The following GAB4 variants were observed in gnomAD, a reference collection of about 807,000 sequenced individuals.
The protein encoded by GAB4 is GRB2 associated binding protein family member 4.
A neutral mutation model predicts 51.3 loss-of-function variants in GAB4; 26 were observed. That is an observed-to-expected ratio of 0.51 (90% CI 0.37 to 0.70). The LOEUF (loss-of-function observed/expected upper bound fraction) is 0.70, where lower values mean the gene tolerates loss of function less well. Ranked by LOEUF, GAB4 falls within the 30% of genes least tolerant of loss-of-function variation. GAB4 has a pLI of 0.00. For missense variants in GAB4, 759 were observed against 734.6 expected, an observed-to-expected ratio of 1.03 and a Z score of -0.38; for synonymous variants, 329 against 291.2, an observed-to-expected ratio of 1.13 and a Z score of -1.32.
At chr22:16,990,745 G>A (rs2060906977) in intron 2 of GAB4, among the ~76,000 whole-genome samples, 5 of 152,140 alleles carry the variant, frequency 3.3e-5, no homozygotes, top group Non-Finnish European at 1.5e-5. Context: ...TCTCCAATGG[G>A]CTATAGCTCC....
chr22:16,970,244 G>T (rs1489716790), intron 3 of GAB4, 51 bp from the exon 4 acceptor site: 15 of 1,598,582 alleles, frequency 9.4e-6, no homozygotes, highest in Non-Finnish European at 1.3e-5. Flanking sequence ...GGCCAGGACT[G>T]CCCCAGGGAG....
intron 3 of GAB4, among the ~76,000 whole-genome samples, chr22:16,980,853 TG>T (rs1432560353): frequency 1.3e-5 from 2 of 152,190 alleles, no homozygotes; most frequent in Middle Eastern, 3.2e-3. Flanking sequence ...TCACGTCCTT[TG>T]CAGGGACATG....
intron 1 of GAB4, among the ~76,000 whole-genome samples, chr22:16,993,168 C>T (rs2060926681): frequency 6.6e-6 from 1 of 152,164 alleles, no homozygotes; most frequent in Non-Finnish European, 1.5e-5. Context: ...GATCCATGAG[C>T]AGACACCACA....
At chr22:16,997,699 T>A (rs116476558) in intron 1 of GAB4, among the ~76,000 whole-genome samples, 1 of 152,182 alleles carries the variant, frequency 6.6e-6, no homozygotes, top group South Asian at 2.1e-4. Context: ...GTGTTTTAAT[T>A]ATGAAGTCCT....
Position 16,962,764 on chromosome 22 carries a change from G to A in GAB4, c.1694C>T (p.Ser565Phe), listed in dbSNP as rs2060639543. The A allele has an allele frequency of 6.2e-7, 1 of 1,613,178 alleles. No individual in the cohort carries two copies. Among genetic ancestry groups the A allele is most frequent in the African/African-American group, 1.3e-5 (1 of 75,060 alleles). ...TMHEQMCLRQ[S>F]SEPPRGAKL ...CTTGGCGCCCCTGGGAGGCTCTGAG[G>A]ACTGCCGCAGGCACATCTGTTCATG... Residue 565 changes from serine to phenylalanine, a missense_variant, in exon 10 of 10, where the codon TCC becomes TTC. Around this residue, in one of 3 missense-constraint regions of GAB4, gnomAD observed 588 missense variants for 510.2 expected, o/e 1.15. Coordinates refer to ENST00000400588, the MANE Select transcript of GAB4 (RefSeq NM_001037814.1).
intron 1 of GAB4, among the ~76,000 whole-genome samples, chr22:17,000,107 T>C (rs2123721791): frequency 6.6e-6 from 1 of 152,168 alleles, no homozygotes; most frequent in South Asian, 2.1e-4. Flanking sequence ...CTTAGAAGAG[T>C]GTATATTCTG....
chr22:16,980,955 AAT>A (rs2060822367), intron 3 of GAB4, among the ~76,000 whole-genome samples: 1 of 152,112 alleles, frequency 6.6e-6, no homozygotes, highest in Non-Finnish European at 1.5e-5. Flanking sequence ...GGAGGTGAAC[AAT>A]GAGACCACAT....
Position 17,008,221 on chromosome 22 carries a change from G to A in GAB4, c.-107C>T. Reference sequence around the variant, plus strand: ...ATACCCTGGGACTGCGGGGTAGAAAGCGCAGTTCTAGGGGAGGTCGGGGTC... The same window carrying A: ...ATACCCTGGGACTGCGGGGTAGAAAACGCAGTTCTAGGGGAGGTCGGGGTC... On this transcript the variant is annotated 5_prime_UTR_variant, in exon 1 of 10. Transcript: ENST00000400588. The A allele has an allele frequency of 1.2e-6, 1 of 812,076 alleles. No homozygotes were observed. Among genetic ancestry groups the A allele is most frequent in the Non-Finnish European group, 2.0e-6 (1 of 511,394 alleles). The allele number at this position is 812,076 out of a possible 1,614,324, so 50.3% of individuals were successfully genotyped here.
At chr22:16,983,966 C>A (rs2060846452) in intron 3 of GAB4, among the ~76,000 whole-genome samples, 1 of 152,120 alleles carries the variant, frequency 6.6e-6, no homozygotes, top group South Asian at 2.1e-4. Flanking sequence ...TTATATCAAG[C>A]TAAAAAGCTT....
intron 1 of GAB4, among the ~76,000 whole-genome samples, chr22:17,003,009 AAAAG>A (rs2061010264): frequency 6.6e-6 from 1 of 152,196 alleles, no homozygotes; most frequent in Non-Finnish European, 1.5e-5. Flanking sequence ...AATGGAAACC[AAAAG>A]AAAGCAGGGT....
At chr22:16,968,222 T>G in intron 5 of GAB4, 76 bp downstream of exon 5, 1 of 1,000,726 alleles carries the variant, frequency 1.0e-6, no homozygotes, top group Non-Finnish European at 1.6e-6. Flanking sequence ...CTTTGGGGGA[T>G]GTGCTTTTAG....
chr22:16,967,968 A>G (rs1269894411), intron 5 of GAB4, among the ~76,000 whole-genome samples: 1 of 152,154 alleles, frequency 6.6e-6, no homozygotes, highest in East Asian at 1.9e-4. Context: ...CCAAAGGCTC[A>G]CAGGGAAGCA....
intron 3 of GAB4, among the ~76,000 whole-genome samples, chr22:16,976,240 C>T (rs1223157731): frequency 1.3e-5 from 2 of 152,178 alleles, no homozygotes; most frequent in African/African-American, 4.8e-5. Flanking sequence ...GGAGCATGTT[C>T]TAACCTAATG....
chr22:16,993,195 T>A (rs562446931), intron 1 of GAB4, among the ~76,000 whole-genome samples: 1 of 152,312 alleles, frequency 6.6e-6, no homozygotes, highest in Non-Finnish European at 1.5e-5. Context: ...GATAAAAGAC[T>A]ACCCATGGTA....
rs1157670165 is a variant in GAB4 at position 16,962,652 on chromosome 22, C to G, written c.*81G>C. On this transcript the variant is annotated 3_prime_UTR_variant, in exon 10 of 10. Coordinates refer to ENST00000400588, the MANE Select transcript of GAB4 (RefSeq NM_001037814.1). ...TGCTCTCTATGTAAGGGATGCGGTC[C>G]CTGATATTACAGAGCTTTAGAGTGT... 1.7e-5 allele frequency: 22 copies of G among 1,315,132 alleles called. No individual in the cohort carries two copies. The highest frequency in any genetic ancestry group is 2.2e-5 in the Non-Finnish European group (21 of 957,922). 81.5% of individuals were successfully genotyped at this position (1,315,132 alleles called of 1,614,324 possible).
At chr22:16,990,498 G>A (rs1044291663) in intron 2 of GAB4, among the ~76,000 whole-genome samples, 3 of 152,246 alleles carry the variant, frequency 2.0e-5, no homozygotes, top group Non-Finnish European at 2.9e-5. Context: ...AGGCTCCTCA[G>A]TCTGGTAGGA....
At chr22:16,989,799 T>C (rs531799681) in intron 2 of GAB4, among the ~76,000 whole-genome samples, 12 of 152,334 alleles carry the variant, frequency 7.9e-5, no homozygotes, top group African/African-American at 2.9e-4. Context: ...ATGGAGCTAT[T>C]CTTCAGGGTT....
At chr22:16,968,640 C>A (rs1199986503) in intron 4 of GAB4, among the ~76,000 whole-genome samples, 2 of 152,242 alleles carry the variant, frequency 1.3e-5, no homozygotes, top group Middle Eastern at 3.4e-3. Context: ...TTTCCTTCAA[C>A]TCCTACAGCA....
chr22:16,988,468 G>A (rs1280409567), intron 2 of GAB4, among the ~76,000 whole-genome samples: 1 of 152,224 alleles, frequency 6.6e-6, no homozygotes, highest in Admixed American at 6.5e-5. Context: ...CCCCAGGCAA[G>A]ACAGCCTCTG....
Sources: gnomAD v4.1 joint callset for allele counts (sites outside exome capture counted in the v4.1 genomes callset) on GRCh38, gnomAD v4.1.1 for gene constraint, gnomAD v4.1.1 regional missense constraint, MANE v1.5 for transcripts, NCBI Gene and HGNC (gene_info 2026-07-23, HGNC 2026-07-21) for gene names.